The following PALS2 variants were observed in gnomAD, a reference collection of about 807,000 sequenced individuals.
PALS2 encodes protein associated with LIN7 2, MAGUK p55 family member.
In PALS2, 27 loss-of-function variants were observed where a neutral mutation model predicts 61.6. That is an observed-to-expected ratio of 0.44 (90% CI 0.32 to 0.60). The LOEUF is 0.60. Ranked by LOEUF, PALS2 falls within the 20% of genes least tolerant of loss-of-function variation. The probability of loss-of-function intolerance (pLI) is 0.05; values close to 1 mark genes in which losing one functional copy is unlikely to be tolerated. For synonymous variants in PALS2, 236 were observed against 218.6 expected (o/e 1.08, Z -0.70); for missense variants, 554 against 639.4 (o/e 0.87, Z 1.44).
At chr7:24,642,407 G>A (rs1785605969) in intron 3 of PALS2, among the ~76,000 whole-genome samples, 1 of 152,108 alleles carries the variant, frequency 6.6e-6, no homozygotes, top group African/African-American at 2.4e-5. Context: ...CATTTCAGAA[G>A]AGAAAAGACA....
intron 5 of PALS2, among the ~76,000 whole-genome samples, chr7:24,652,754 G>A (rs1013525762): frequency 2.0e-5 from 3 of 152,172 alleles, no homozygotes; most frequent in African/African-American, 7.2e-5. Context: ...GTAGTGCTGT[G>A]GAGCTAGTCT....
intron 1 of PALS2, among the ~76,000 whole-genome samples, chr7:24,592,301 A>G (rs1321209357): frequency 6.6e-6 from 1 of 152,132 alleles, no homozygotes; most frequent in Non-Finnish European, 1.5e-5. Context: ...GCTTCATTTG[A>G]GACAATTAAG....
intron 1 of PALS2, among the ~76,000 whole-genome samples, chr7:24,593,300 A>G (rs902466415): frequency 7.2e-5 from 11 of 152,112 alleles, no homozygotes; most frequent in African/African-American, 2.4e-4. Flanking sequence ...CCACATCTGC[A>G]GTGACTTACC....
chr7:24,600,048 C>G (rs114793087), intron 1 of PALS2, among the ~76,000 whole-genome samples: 10 of 151,948 alleles, frequency 6.6e-5, no homozygotes, highest in African/African-American at 2.4e-4. Context: ...GATCTTCTTG[C>G]GGGGGTGTCA....
rs1782546346 is a variant in PALS2 at position 24,573,839 on chromosome 7, T to C, written c.-3+246T>C. Among the ~76,000 whole-genome samples, 1 of 150,292 alleles carries C rather than the reference T, an allele frequency of 6.7e-6. No homozygotes were observed. Among genetic ancestry groups the C allele is most frequent in the South Asian group, 2.1e-4 (1 of 4,826 alleles). On this transcript the variant is annotated intron_variant, in intron 1 of 11. Transcript: ENST00000222644. The surrounding 1 kb of genome is among the most constrained non-coding windows in gnomAD (Gnocchi z 5.3). Reference sequence around the variant, plus strand: ...GCGCGGAAGGGGCGCTCGGCCGGGCTCCTGCCTCTCTGGCTGCGGGCGGCT... The same window carrying C: ...GCGCGGAAGGGGCGCTCGGCCGGGCCCCTGCCTCTCTGGCTGCGGGCGGCT...
intron 5 of PALS2, among the ~76,000 whole-genome samples, chr7:24,652,127 C>G (rs1786185011): frequency 6.6e-6 from 1 of 152,060 alleles, no homozygotes; most frequent in Admixed American, 6.6e-5. Context: ...AGCCTGAGGC[C>G]TTATCTTGGA....
chr7:24,663,499 A>G, intron 5 of PALS2, 91 bp from the exon 6 acceptor site: 7 of 1,230,100 alleles, frequency 5.7e-6, no homozygotes, highest in Non-Finnish European at 7.7e-6. Context: ...ATTGTCAGTT[A>G]CAATTAAATC....
intron 1 of PALS2, among the ~76,000 whole-genome samples, chr7:24,590,233 C>T (rs1239612492): frequency 6.6e-6 from 1 of 152,232 alleles, no homozygotes; most frequent in African/African-American, 2.4e-5. Flanking sequence ...TTCAATCTTA[C>T]CTGCTTTCTT....
chr7:24,682,678 G>C (rs2128034575), intron 11 of PALS2, among the ~76,000 whole-genome samples: 1 of 152,302 alleles, frequency 6.6e-6, no homozygotes, highest in South Asian at 2.1e-4. Flanking sequence ...GGGAGAGTTA[G>C]TCTGGTGCCT....
chr7:24,675,960 T>G lies in PALS2; in HGVS notation c.1115-3171T>G, dbSNP rs1322103490. Reference sequence around the variant, plus strand: ...TTTCTAGTTCTAGATCCTTGAGGAATCGCCACACTGACTTCCAGAATGGTT... The same window carrying G: ...TTTCTAGTTCTAGATCCTTGAGGAAGCGCCACACTGACTTCCAGAATGGTT... On this transcript the variant is annotated intron_variant, in intron 9 of 11. Coordinates refer to ENST00000222644, the MANE Select transcript of PALS2 (RefSeq NM_001303037.2). 6.7e-5 allele frequency among the ~76,000 whole-genome samples: 10 copies of G among 150,184 alleles called. No homozygotes were observed. The South Asian group carries it at 1.9e-3, about 29-fold the overall frequency.
intron 5 of PALS2, among the ~76,000 whole-genome samples, chr7:24,662,688 G>C (rs1389735287): frequency 6.8e-6 from 1 of 147,200 alleles, no homozygotes; most frequent in East Asian, 2.0e-4. Context: ...AGAATCACTT[G>C]AACCTGGGAG....
intron 1 of PALS2, among the ~76,000 whole-genome samples, chr7:24,581,121 G>T (rs1184998714): frequency 6.6e-6 from 1 of 152,180 alleles, no homozygotes; most frequent in African/African-American, 2.4e-5. Context: ...ATCTAAGGGA[G>T]AACTTACTTG....
intron 3 of PALS2, among the ~76,000 whole-genome samples, chr7:24,644,095 C>CTT (rs59645237): frequency 2.1e-4 from 28 of 134,252 alleles, no homozygotes; most frequent in South Asian, 7.1e-4. Context: ...TTTCTTTTTT[C>CTT]TTTTTTTTTT....
At chr7:24,595,513 TATAATATA>T (rs1438966064) in intron 1 of PALS2, among the ~76,000 whole-genome samples, 1 of 90,088 alleles carries the variant, frequency 1.1e-5, no homozygotes, top group African/African-American at 6.7e-5. Context: ...ATATATAATA[TATAATATA>T]TATAATATAT....
intron 5 of PALS2, among the ~76,000 whole-genome samples, chr7:24,658,283 T>C (rs1205828377): frequency 6.6e-6 from 1 of 152,224 alleles, no homozygotes; most frequent in Non-Finnish European, 1.5e-5. Flanking sequence ...GTCTTTTTTA[T>C]ATCTGCATGT....
chr7:24,606,599 AG>A (rs1438861616), intron 1 of PALS2, among the ~76,000 whole-genome samples: 1 of 152,010 alleles, frequency 6.6e-6, no homozygotes, highest in Non-Finnish European at 1.5e-5. Flanking sequence ...GCATTTAATT[AG>A]GTTTTTTTTT....
At chr7:24,602,193 A>G (rs1001211893) in intron 1 of PALS2, among the ~76,000 whole-genome samples, 5 of 151,840 alleles carry the variant, frequency 3.3e-5, no homozygotes, top group African/African-American at 1.2e-4. Flanking sequence ...TTATTTTCTA[A>G]GAGCTCTTTT....
At chr7:24,655,785 C>T (rs1786384906) in intron 5 of PALS2, among the ~76,000 whole-genome samples, 2 of 151,838 alleles carry the variant, frequency 1.3e-5, no homozygotes, top group African/African-American at 4.8e-5. Flanking sequence ...CTCAGCCTTC[C>T]AAGAAGCTGG....
At chr7:24,667,283 T>C (rs1275394023) in intron 8 of PALS2, among the ~76,000 whole-genome samples, 1 of 152,206 alleles carries the variant, frequency 6.6e-6, no homozygotes, top group Non-Finnish European at 1.5e-5. Context: ...TAATTTTGGG[T>C]TATGTTTCTA....
Sources: allele counts gnomAD v4.1 joint callset (sites outside exome capture counted in the v4.1 genomes callset), GRCh38; gene constraint gnomAD v4.1.1; non-coding constraint Gnocchi (gnomAD v3.1); transcripts MANE v1.5; gene names NCBI Gene and HGNC (gene_info 2026-07-23, HGNC 2026-07-21).